DHTKD1: variants seen among roughly 807,000 people sequenced by gnomAD.
DHTKD1 encodes the protein dehydrogenase E1 and transketolase domain containing 1.
In DHTKD1, 78 loss-of-function variants were observed where a neutral mutation model predicts 101.8. The ratio of observed to expected loss-of-function variants is 0.77; its 90% CI spans 0.64 to 0.93. DHTKD1 has a LOEUF of 0.93. Among genes scored for constraint, DHTKD1 ranks in the 40% least tolerant of loss-of-function variants. The probability of loss-of-function intolerance (pLI) is 0.00; values close to 1 mark genes in which losing one functional copy is unlikely to be tolerated. For synonymous variants in DHTKD1, 462 were observed against 450.3 expected (o/e 1.03, Z -0.33); for missense variants, 1,223 against 1,161.7 (o/e 1.05, Z -0.77).
In DHTKD1 at chr10:12,089,249, C is replaced by G. The variant is rs1350182096; in HGVS notation, c.981C>G (p.Cys327Trp). ...NSAQPGDRVI[C>W]LQVHGDASFC... Reference sequence around the variant, plus strand: ...CCCAGCCGGGGGACAGGGTCATTTGCTTACAGGTACTTGGAGCTTCTGAAA... The same window carrying G: ...CCCAGCCGGGGGACAGGGTCATTTGGTTACAGGTACTTGGAGCTTCTGAAA... Residue 327 changes from cysteine to tryptophan, a missense_variant, in exon 5 of 17, where the codon TGC (cysteine) becomes TGG (tryptophan). Coordinates refer to ENST00000263035, the MANE Select transcript of DHTKD1 (RefSeq NM_018706.7). 4 of 1,613,322 alleles carry G rather than the reference C, an allele frequency of 2.5e-6. No individual in the cohort carries two copies. The highest frequency in any genetic ancestry group is 2.2e-5 in the South Asian group (2 of 91,046).
Position 12,087,849 on chromosome 10 carries a change from C to G in DHTKD1, c.717+120C>G. The G allele has an allele frequency of 1.2e-6, 1 of 851,902 alleles. No individual in the cohort carries two copies. Among genetic ancestry groups the G allele is most frequent in the Non-Finnish European group, 1.7e-6 (1 of 584,126 alleles). The allele number at this position is 851,902 out of a possible 1,614,324, so 52.8% of individuals were successfully genotyped here. A position where few individuals can be genotyped will look rare whatever the true frequency, so the allele number is the denominator to read the frequency against. On this transcript the variant is annotated intron_variant, in intron 4 of 16. Coordinates refer to ENST00000263035, the MANE Select transcript of DHTKD1 (RefSeq NM_018706.7). The surrounding 1 kb of genome is among the most constrained non-coding windows in gnomAD (Gnocchi z 5.2). ...GGTGATGGCCGGGCACTGTGGCTCACACCTGCAATCCCAGCCTGTTGGGAG... is the reference window on the plus strand; with the variant it reads ...GGTGATGGCCGGGCACTGTGGCTCAGACCTGCAATCCCAGCCTGTTGGGAG...
At chr10:12,075,883 T>C (rs1832719048) in intron 1 of DHTKD1, among the ~76,000 whole-genome samples, 1 of 151,926 alleles carries the variant, frequency 6.6e-6, no homozygotes, top group Non-Finnish European at 1.5e-5. Context: ...ATTTTACTTC[T>C]TTTTTTTACT....
chr10:12,095,812 C>CAAAAAAAAAAAAAA (rs1185585860), intron 7 of DHTKD1, among the ~76,000 whole-genome samples: 29 of 41,474 alleles, frequency 7.0e-4, no homozygotes, highest in Non-Finnish European at 8.8e-4. Flanking sequence ...GACTCCGTCT[C>CAAAAAAAAAAAAAA]AAAAAAAAAA....
chr10:12,117,689 T>C lies in DHTKD1; in HGVS notation c.2336T>C (p.Leu779Pro). Residue 779 changes from leucine (L) to proline (P), a missense_variant, in exon 14 of 17, where the codon CTT (leucine) becomes CCT (proline). Leu to Pro is a moderately conservative substitution (Grantham distance 98, BLOSUM62 -3). Transcript: ENST00000263035. Reference protein sequence around the residue: ...LLRLPAAVSTLQEMAPGTTFN... With the variant: ...LLRLPAAVSTPQEMAPGTTFN... ...CCCTCGTAGGCAGCCGTGTCAACTCTTCAAGAAATGGCACCAGGAACAACA... is the reference window on the plus strand; with the variant it reads ...CCCTCGTAGGCAGCCGTGTCAACTCCTCAAGAAATGGCACCAGGAACAACA... The C allele has an allele frequency of 6.2e-7, 1 of 1,605,642 alleles. No homozygotes were observed. Among genetic ancestry groups the C allele is most frequent in the South Asian group, 1.1e-5 (1 of 89,866 alleles).
chr10:12,091,832 T>C, intron 6 of DHTKD1, 148 bp downstream of exon 6: 2 of 622,848 alleles, frequency 3.2e-6, no homozygotes, highest in African/African-American at 1.9e-5. Flanking sequence ...TGAGATGGAG[T>C]CTTGCTCTGT....
rs752816882 is a variant in DHTKD1, at chr10:12,102,422, CA to C, written c.1896+1260del. Reference sequence around the variant, plus strand: ...CTGGTGACAGAGCGAGACTCTGTCTCAAAAAAAAAAAAAAAAAAAGAAAATT... The same window carrying C: ...CTGGTGACAGAGCGAGACTCTGTCTCAAAAAAAAAAAAAAAAAAGAAAATT... On this transcript the variant is annotated intron_variant, in intron 10 of 16. Transcript: ENST00000263035. Among the ~76,000 whole-genome samples the C allele has an allele frequency of 3.2e-3, 206 of 64,824 alleles. 1 individual carries two copies. The highest frequency in any genetic ancestry group is 7.1e-3 in the African/African-American group (117 of 16,384). 42.5% of individuals were successfully genotyped at this position (64,824 alleles called of 152,430 possible). A position where few individuals can be genotyped will look rare whatever the true frequency, so the allele number is the denominator to read the frequency against.
In DHTKD1 at chr10:12,103,094, ACG is replaced by A. The variant is rs1564395588; in HGVS notation, c.1896+1915_1896+1916del. On this transcript the variant is annotated intron_variant, in intron 10 of 16. Transcript: ENST00000263035. The surrounding 1 kb of genome is among the most constrained non-coding windows in gnomAD (Gnocchi z 4.8). ...AAAAATTAGTCGGGCATGGTGGCAC[ACG>A]CCTGTAATCCCAGCTACTCAGGAGG... Among the ~76,000 whole-genome samples the A allele has an allele frequency of 5.9e-5, 9 of 152,142 alleles. No individual in the cohort carries two copies. The highest frequency in any genetic ancestry group is 2.0e-4 in the Admixed American group (3 of 15,264).
intron 4 of DHTKD1, among the ~76,000 whole-genome samples, chr10:12,088,711 C>G (rs1312628462): frequency 2.6e-5 from 4 of 151,908 alleles, no homozygotes; most frequent in African/African-American, 4.8e-5. Flanking sequence ...AGCCTCTCTA[C>G]TAGCTGGGAT....
At chr10:12,118,576 G>GT (rs1418136434) in intron 14 of DHTKD1, among the ~76,000 whole-genome samples, 173 bp from the exon 15 acceptor site, 1 of 151,788 alleles carries the variant, frequency 6.6e-6, no homozygotes, top group Non-Finnish European at 1.5e-5. Context: ...TAGAGACAGG[G>GT]TTTCACCGTG....
chr10:12,091,921 C>T (rs1253374949), intron 6 of DHTKD1, among the ~76,000 whole-genome samples: 6 of 151,816 alleles, frequency 4.0e-5, no homozygotes, highest in Non-Finnish European at 8.8e-5. Context: ...TCTCTTGCCT[C>T]AGCCTCCTGA....
At chr10:12,079,666 CA>C (rs1447075277) in intron 1 of DHTKD1, among the ~76,000 whole-genome samples, 1 of 151,294 alleles carries the variant, frequency 6.6e-6, no homozygotes, top group East Asian at 1.9e-4. Flanking sequence ...GACTCCATCT[CA>C]AGAAAAAAAA....
At chr10:12,119,421 C>G (rs1319695541) in intron 15 of DHTKD1, among the ~76,000 whole-genome samples, 2 of 151,476 alleles carry the variant, frequency 1.3e-5, no homozygotes, top group Non-Finnish European at 2.9e-5. Context: ...CAAGACCATC[C>G]TGGCTAACAC....
Position 12,081,483 on chromosome 10 carries a change from C to T in DHTKD1, c.166C>T (p.Leu56Phe). Residue 56 changes from leucine (L) to phenylalanine (F), a missense_variant, in exon 2 of 17, where the codon CTT becomes TTT. Leu to Phe is a conservative substitution (Grantham distance 22). Transcript: ENST00000263035. Reference sequence around the variant, plus strand: ...TTCCCCTGATTTAGTTGATCATGGCCTTGCCAGGTTGGTGACAGTATATTG... The same window carrying T: ...TTCCCCTGATTTAGTTGATCATGGCTTTGCCAGGTTGGTGACAGTATATTG... Reference protein sequence around the residue: ...ALERPPVDHGLARLVTVYCEH... With the variant: ...ALERPPVDHGFARLVTVYCEH... 1 of 1,614,052 alleles carries T rather than the reference C, an allele frequency of 6.2e-7. No individual in the cohort carries two copies. Among genetic ancestry groups the T allele is most frequent in the Non-Finnish European group, 8.5e-7 (1 of 1,179,970 alleles).
In DHTKD1 at chr10:12,120,987, A is replaced by G; in HGVS notation, c.*99A>G. 9.6e-7 allele frequency: 1 copy of G among 1,040,812 alleles called. No homozygotes were observed. Among genetic ancestry groups the G allele is most frequent in the Non-Finnish European group, 1.4e-6 (1 of 705,092 alleles). The allele number at this position is 1,040,812 out of a possible 1,614,324, so 64.5% of individuals were successfully genotyped here. On this transcript the variant is annotated 3_prime_UTR_variant, in exon 17 of 17. Transcript: ENST00000263035. ...GTAATCCCAGCACTTTGGGAGGCCA[A>G]GGCTGGTGGATCACCTGAGGTCAGG...
chr10:12,081,752 G>C, intron 2 of DHTKD1, 125 bp downstream of exon 2: 3 of 1,057,352 alleles, frequency 2.8e-6, no homozygotes, highest in Non-Finnish European at 4.1e-6. Flanking sequence ...GAGACCCGAG[G>C]GGCATGTTGA....
intron 1 of DHTKD1, among the ~76,000 whole-genome samples, chr10:12,071,343 G>C (rs1832647574): frequency 6.6e-6 from 1 of 152,202 alleles, no homozygotes; most frequent in Non-Finnish European, 1.5e-5. Context: ...TACTATCAAA[G>C]AGAGGGTTCA....
chr10:12,114,800 T>C (rs947469519), intron 13 of DHTKD1, among the ~76,000 whole-genome samples: 3 of 151,452 alleles, frequency 2.0e-5, no homozygotes, highest in African/African-American at 7.3e-5. Flanking sequence ...GGTTGGTTGG[T>C]TGGTTGGTTT....
chr10:12,080,373 A>T (rs911326749), intron 1 of DHTKD1, among the ~76,000 whole-genome samples: 3 of 151,968 alleles, frequency 2.0e-5, no homozygotes, highest in Admixed American at 1.3e-4. Flanking sequence ...GTGGCTCTGA[A>T]ATCATTCCAC....
intron 9 of DHTKD1, 25 bp downstream of exon 9, chr10:12,100,287 G>GTTTTTTTTTTTTTTTTTTGT: frequency 3.7e-6 from 1 of 269,862 alleles, no homozygotes; most frequent in Non-Finnish European, 6.1e-6. Flanking sequence ...TTTTTTTTCT[G>GTTTTTTTTTTTTTTTTTTGT]TTTTTTTTTT....
Sources: allele counts gnomAD v4.1 joint callset (sites outside exome capture counted in the v4.1 genomes callset), GRCh38; gene constraint gnomAD v4.1.1; non-coding constraint Gnocchi (gnomAD v3.1); transcripts MANE v1.5; gene names NCBI Gene and HGNC (gene_info 2026-07-23, HGNC 2026-07-21).